Variants in PDCD10 observed in about 807,000 individuals in gnomAD.
The protein encoded by PDCD10 is programmed cell death protein 10.
PDCD10 carries 4 observed loss-of-function variants against 29.2 expected under a neutral mutation model. That is an observed-to-expected ratio of 0.14 (90% CI 0.07 to 0.31). The LOEUF (loss-of-function observed/expected upper bound fraction) is 0.31. Among genes scored for constraint, PDCD10 ranks in the 10% least tolerant of loss-of-function variants. The pLI is 1.00. For synonymous variants in PDCD10, 70 were observed against 82.2 expected (o/e 0.85, Z 0.80); for missense variants, 183 against 257.9 (o/e 0.71, Z 1.99).
At chr3:167,725,263 G>GAAAA (rs57762503) in intron 2 of PDCD10, 13 of 30,206 alleles carry the variant, frequency 4.3e-4, no homozygotes, top group South Asian at 9.6e-4. Context: ...TCTCAAAAAA[G>GAAAA]AAAAAAAAAA....
intron 3 of PDCD10, among the ~76,000 whole-genome samples, chr3:167,709,892 G>C (rs939005764): frequency 1.3e-5 from 2 of 152,246 alleles, no homozygotes. Flanking sequence ...TTGTATACCA[G>C]CTCAGTCACA....
At chr3:167,695,992 AAC>A (rs1553760977) in intron 5 of PDCD10, among the ~76,000 whole-genome samples, 2 of 128,878 alleles carry the variant, frequency 1.6e-5, no homozygotes, top group Non-Finnish European at 3.2e-5. Flanking sequence ...AAAAAAAAAA[AAC>A]ACACAAAAAA....
In PDCD10 at chr3:167,704,795, CA is replaced by C. The variant is rs1721802750; in HGVS notation, c.150+46del. On this transcript the variant is annotated intron_variant, in intron 4 of 8. Transcript: ENST00000392750. ...CAACCATCACATGTACTTACATTTA[CA>C]AAGAACATACACTTTAATAATCATA... The C allele has an allele frequency of 3.1e-6, 4 of 1,303,830 alleles. No individual in the cohort carries two copies. The South Asian group carries it at 4.7e-5, about 15-fold the overall frequency. 80.8% of individuals were successfully genotyped at this position (1,303,830 alleles called of 1,614,324 possible). A position where few individuals can be genotyped will look rare whatever the true frequency, so the allele number is the denominator to read the frequency against.
chr3:167,705,753 C>G (rs1044591093), intron 3 of PDCD10, among the ~76,000 whole-genome samples: 16 of 152,184 alleles, frequency 1.1e-4, no homozygotes, highest in East Asian at 1.9e-4. Flanking sequence ...AAGGCATAAA[C>G]AGCCCAGTAA....
chr3:167,687,772 A>G, intron 6 of PDCD10, 79 bp from the exon 7 acceptor site: 1 of 775,248 alleles, frequency 1.3e-6, no homozygotes, highest in Non-Finnish European at 2.3e-6. Context: ...TACATTTGAA[A>G]GAAATTAAGT....
intron 4 of PDCD10, among the ~76,000 whole-genome samples, chr3:167,703,143 T>G (rs1239866887): frequency 6.6e-6 from 1 of 152,166 alleles, no homozygotes; most frequent in Non-Finnish European, 1.5e-5. Context: ...GACTTTTCTC[T>G]TAGCAATACT....
At chr3:167,717,089 A>G (rs1723100299) in intron 3 of PDCD10, among the ~76,000 whole-genome samples, 1 of 152,026 alleles carries the variant, frequency 6.6e-6, no homozygotes, top group Non-Finnish European at 1.5e-5. Flanking sequence ...CACATGCAAT[A>G]AACTTGGACT....
chr3:167,700,251 AG>A (rs1721257037), intron 4 of PDCD10, among the ~76,000 whole-genome samples: 2 of 152,194 alleles, frequency 1.3e-5, no homozygotes, highest in African/African-American at 4.8e-5. Flanking sequence ...CCATGTGAAC[AG>A]TTCATCTCTC....
chr3:167,728,691 T>C (rs946613732), intron 2 of PDCD10, among the ~76,000 whole-genome samples: 12 of 152,358 alleles, frequency 7.9e-5, no homozygotes, highest in African/African-American at 2.9e-4. Context: ...ATAAACTCCC[T>C]AAAGAGAAGT....
chr3:167,729,584 T>C (rs572848180), intron 2 of PDCD10, among the ~76,000 whole-genome samples: 3 of 152,208 alleles, frequency 2.0e-5, no homozygotes, highest in Non-Finnish European at 4.4e-5. Flanking sequence ...GAGATAATAG[T>C]GCCTCTACCT....
intron 3 of PDCD10, among the ~76,000 whole-genome samples, chr3:167,706,221 A>G (rs1721948547): frequency 6.6e-6 from 1 of 152,260 alleles, no homozygotes; most frequent in East Asian, 1.9e-4. Flanking sequence ...CCTTACAAAA[A>G]GAATAAGTCA....
At chr3:167,726,135 TTTTGA>T in intron 2 of PDCD10, among the ~76,000 whole-genome samples, 1 of 141,326 alleles carries the variant, frequency 7.1e-6, no homozygotes, top group African/African-American at 2.8e-5. Context: ...TTTTTTTTTT[TTTTGA>T]GACAGAGTTT....
chr3:167,712,115 T>C (rs1040775264), intron 3 of PDCD10, among the ~76,000 whole-genome samples: 2 of 152,056 alleles, frequency 1.3e-5, no homozygotes, highest in South Asian at 4.1e-4. Context: ...ACACAGAATA[T>C]TATAATACTG....
intron 3 of PDCD10, among the ~76,000 whole-genome samples, chr3:167,712,934 T>C (rs1722665706): frequency 6.6e-6 from 1 of 152,016 alleles, no homozygotes; most frequent in Admixed American, 6.5e-5. Context: ...CACCCAGTCC[T>C]GGTGTACCCA....
At chr3:167,725,039 TTGA>T (rs1723952566) in intron 2 of PDCD10, among the ~76,000 whole-genome samples, 2 of 152,018 alleles carry the variant, frequency 1.3e-5, no homozygotes, top group African/African-American at 2.4e-5. Flanking sequence ...GGTGGATCAC[TTGA>T]GGTCAGGAGT....
chr3:167,698,100 C>A, intron 4 of PDCD10: 1 of 399,326 alleles, frequency 2.5e-6, no homozygotes. Context: ...ATTATCACTG[C>A]AGATACAGTT....
At chr3:167,685,396 C>CAA (rs1184281849) in intron 8 of PDCD10, among the ~76,000 whole-genome samples, 885 of 54,976 alleles carry the variant, frequency 0.016, 22 homozygotes, top group East Asian at 0.13. Flanking sequence ...ACTCTGTCTC[C>CAA]AAAAAAAAAA....
chr3:167,731,354 T>C (rs1295174718), intron 2 of PDCD10, among the ~76,000 whole-genome samples: 1 of 152,168 alleles, frequency 6.6e-6, no homozygotes, highest in Non-Finnish European at 1.5e-5. Context: ...TGAAAGTGAT[T>C]CCTTTATCAT....
chr3:167,730,425 G>C (rs1014230387), intron 2 of PDCD10, among the ~76,000 whole-genome samples: 1 of 152,052 alleles, frequency 6.6e-6, no homozygotes, highest in African/African-American at 2.4e-5. Flanking sequence ...ATAAAAAGCA[G>C]TATTTCAGTT....
Sources: gnomAD v4.1 joint callset for allele counts (sites outside exome capture counted in the v4.1 genomes callset) on GRCh38, gnomAD v4.1.1 for gene constraint, MANE v1.5 for transcripts, NCBI Gene and HGNC (gene_info 2026-07-23, HGNC 2026-07-21) for gene names.